NAA80: variants seen among roughly 807,000 people sequenced by gnomAD.
NAA80 encodes the protein N-alpha-acetyltransferase 80, NatH catalytic subunit.
NAA80 carries 5 observed loss-of-function variants against 8.7 expected under a neutral mutation model. The observed-to-expected ratio is 0.58, with a 90% CI of 0.30 to 1.21. The LOEUF is 1.21. Among genes scored for constraint, NAA80 ranks in the 50% most tolerant of loss-of-function variants. NAA80 has a pLI of 0.07. For missense variants in NAA80, 360 were observed against 368.6 expected, an observed-to-expected ratio of 0.98 and a Z score of 0.19; for synonymous variants, 149 against 156.6, an observed-to-expected ratio of 0.95 and a Z score of 0.36.
Position 50,297,377 on chromosome 3 carries a change from T to A in NAA80, c.87A>T (p.Gln29His). ...QPKLPLDSTC[Q>H]PEMTFNPGPT... ...GACCAGGATTGAAGGTCATCTCTGG[T>A]TGGCATGTGGAATCCAGGGGCAGCT... is the stretch of plus-strand genomic sequence containing the variant. The change falls in exon 2 of 2, where the codon CAA (glutamine) becomes CAT (histidine). Residue 29 changes from glutamine to histidine, a missense_variant. Transcript: ENST00000443094. This position sits in a 1 kb window ranked among gnomAD's most constrained non-coding sequence, Gnocchi z 4.3. 1 of 1,613,338 alleles carries A rather than the reference T, an allele frequency of 6.2e-7. No homozygotes were observed. Among genetic ancestry groups the A allele is most frequent in the Non-Finnish European group, 8.5e-7 (1 of 1,179,668 alleles).
At chr3:50,298,766 A>G in intron 1 of NAA80, 1 of 1,056,990 alleles carries the variant, frequency 9.5e-7, no homozygotes, top group Non-Finnish European at 1.1e-6. Context: ...GGTCAGTAAC[A>G]GGCACCCCCC....
chr3:50,296,960 GC>G lies in NAA80; in HGVS notation c.503del (p.Gly168AlafsTer60). On this transcript the variant is annotated frameshift_variant, in exon 2 of 2. Transcript: ENST00000443094. LOFTEE classifies it low-confidence loss of function (END_TRUNC). ...GGGTGGTGAGATGCAGCTTGCGGAA[GC>G]CCCGGGCCCGAGCAAAGACCTCCAG... ...EGLEVFARAR[G>X]FRKLHLTTHD... The G allele has an allele frequency of 6.3e-7, 1 of 1,597,914 alleles. No individual in the cohort carries two copies. The highest frequency in any genetic ancestry group is 8.5e-7 in the Non-Finnish European group (1 of 1,174,216).
Position 50,296,556 on chromosome 3 carries a change from G to A in NAA80, c.*47C>T, listed in dbSNP as rs782360508. The A allele has an allele frequency of 2.6e-5, 41 of 1,583,890 alleles. No homozygotes were observed. The highest frequency in any genetic ancestry group is 1.0e-4 in the South Asian group (9 of 89,202). The stretch of plus-strand genomic sequence containing the variant: ...AGTGGGCTGAGGCTTGTAGACTGTC[G>A]GGGCAGTCTATTGAACCAGAAAGAC... On this transcript the variant is annotated 3_prime_UTR_variant, in exon 2 of 2. Coordinates refer to ENST00000443094, the MANE Select transcript of NAA80 (RefSeq NM_001200016.2).
chr3:50,297,073 T>C lies in NAA80; in HGVS notation c.391A>G (p.Asn131Asp). 6.5e-7 allele frequency: 1 copy of C among 1,538,110 alleles called. No individual in the cohort carries two copies. The highest frequency in any genetic ancestry group is 1.4e-5 in the African/African-American group (1 of 72,580). Residue 131 changes from asparagine (N) to aspartate (D), a missense_variant, in exon 2 of 2, where the codon AAC (asparagine) becomes GAC (aspartate). Transcript: ENST00000443094. This position sits in a 1 kb window ranked among gnomAD's most constrained non-coding sequence, Gnocchi z 4.3. ...VGHARLSRVL[N>D]QPQSLLVETV... is the part of the protein sequence containing the mutation. ...TCCACTAAGAGGCTCTGGGGCTGGTTCAGCACCCGTGACAGGCGGGCATGG... is the reference window on the plus strand; with the variant it reads ...TCCACTAAGAGGCTCTGGGGCTGGTCCAGCACCCGTGACAGGCGGGCATGG...
chr3:50,298,248 G>A (rs1553711729), intron 1 of NAA80, among the ~76,000 whole-genome samples: 1 of 152,094 alleles, frequency 6.6e-6, no homozygotes, highest in African/African-American at 2.4e-5. Context: ...CCTGGGCTAT[G>A]CCCACTGCCT....
chr3:50,299,204 G>A lies in NAA80; in HGVS notation c.-210+9C>T, dbSNP rs782173298. The A allele has an allele frequency of 1.7e-5, 27 of 1,614,052 alleles. No individual in the cohort carries two copies. Among genetic ancestry groups the A allele is most frequent in the South Asian group, 3.3e-5 (3 of 91,090 alleles). On this transcript the variant is annotated intron_variant, in intron 1 of 1. Transcript: ENST00000443094. ...TACAGGCAGCAAATGGGAAGGGTGCGGTACTGACATGTTGATGCTGGCCTC... is the reference window on the plus strand; with the variant it reads ...TACAGGCAGCAAATGGGAAGGGTGCAGTACTGACATGTTGATGCTGGCCTC...
In NAA80 at chr3:50,297,265, G is replaced by A. The variant is rs782774866; in HGVS notation, c.199C>T (p.Arg67Cys). Residue 67 changes from arginine (R) to cysteine (C), a missense_variant, in exon 2 of 2, where the codon CGC (arginine) becomes TGC (cysteine). Coordinates refer to ENST00000443094, the MANE Select transcript of NAA80 (RefSeq NM_001200016.2). The surrounding 1 kb of genome is among the most constrained non-coding windows in gnomAD (Gnocchi z 4.3). The stretch of plus-strand genomic sequence containing the variant: ...CAAGCATCCAGGAGCTCGGGTCGGC[G>A]GTGCACAGGCTCCAGGGTCAACTCA... ...LAELTLEPVH[R>C]RPELLDACAD... is the part of the protein sequence containing the mutation. The A allele has an allele frequency of 1.9e-5, 30 of 1,609,216 alleles. No homozygotes were observed. Among genetic ancestry groups the A allele is most frequent in the African/African-American group, 1.1e-4 (8 of 74,830 alleles).
rs781793341 is a variant in NAA80 at position 50,297,475 on chromosome 3, G to C, written c.-12C>G. 1 of 1,585,182 alleles carries C rather than the reference G, an allele frequency of 6.3e-7. No individual in the cohort carries two copies. The highest frequency in any genetic ancestry group is 2.2e-5 in the East Asian group (1 of 44,520). On this transcript the variant is annotated 5_prime_UTR_variant, in exon 2 of 2. Transcript: ENST00000443094. This position sits in a 1 kb window ranked among gnomAD's most constrained non-coding sequence, Gnocchi z 4.3. The stretch of plus-strand genomic sequence containing the variant: ...AGGATCAGCTCCATCCGGTGTGTAG[G>C]GTCTAGTGTAGGGGTCAGCTTGGCT...
Position 50,296,805 on chromosome 3 carries a change from G to A in NAA80, c.659C>T (p.Pro220Leu), listed in dbSNP as rs1553711256. The A allele has an allele frequency of 6.3e-7, 1 of 1,581,082 alleles. No individual in the cohort carries two copies. Among genetic ancestry groups the A allele is most frequent in the East Asian group, 2.2e-5 (1 of 44,594 alleles). The change falls in exon 2 of 2, where the codon CCA becomes CTA. Residue 220 changes from proline (P) to leucine (L), a missense_variant. Transcript: ENST00000443094. ...AGTCAGGTTTGGGGCCTTCCTGGGT[G>A]GCCGGGGAGAGGGGGCTGTGGGGAA... ...NAFPTAPSPRPPRKAPNLTAQ... is the reference protein window; with the variant it reads ...NAFPTAPSPRLPRKAPNLTAQ...
intron 1 of NAA80, chr3:50,298,988 G>A: frequency 2.7e-6 from 4 of 1,456,750 alleles, no homozygotes; most frequent in Non-Finnish European, 2.7e-6. Context: ...TGGCTTCTCC[G>A]TCTCTCCCGG....
At position 50,299,348 on chromosome 3, in the gene NAA80, G is replaced by T; in HGVS notation, c.-345C>A. The stretch of plus-strand genomic sequence containing the variant: ...GCGGCGGATGTTCTGCAGCCGTCGC[G>T]TCCTGCGGCACGCCACGGCGTTCTA... On this transcript the variant is annotated 5_prime_UTR_variant, in exon 1 of 2. Coordinates refer to ENST00000443094, the MANE Select transcript of NAA80 (RefSeq NM_001200016.2). The T allele has an allele frequency of 6.4e-7, 1 of 1,565,912 alleles. No individual in the cohort carries two copies.
In NAA80 at chr3:50,296,631, G is replaced by C. The variant is rs782633160; in HGVS notation, c.833C>G (p.Pro278Arg). The stretch of plus-strand genomic sequence containing the variant: ...GATGTCTTTTTCCATCCAGAATATG[G>C]GGCGCCCCCTCACATTTTGATATTG... ...ETQYQNVRGR[P>R]IFWMEKDI Residue 278 changes from proline to arginine, a missense_variant, in exon 2 of 2, where the codon CCC (proline) becomes CGC (arginine). Coordinates refer to ENST00000443094, the MANE Select transcript of NAA80 (RefSeq NM_001200016.2). 5 of 1,614,054 alleles carry C rather than the reference G, an allele frequency of 3.1e-6. No individual in the cohort carries two copies. In the South Asian group the frequency reaches 4.4e-5, roughly 14 times the overall value.
chr3:50,297,644 C>T lies in NAA80; in HGVS notation c.-181G>A. 3 of 1,442,932 alleles carry T rather than the reference C, an allele frequency of 2.1e-6. No homozygotes were observed. In the South Asian group the frequency reaches 4.4e-5, roughly 21 times the overall value. 89.4% of individuals were successfully genotyped at this position (1,442,932 alleles called of 1,614,324 possible). A position where few individuals can be genotyped will look rare whatever the true frequency, so the allele number is the denominator to read the frequency against. On this transcript the variant is annotated 5_prime_UTR_variant, in exon 2 of 2. It removes an upstream start codon present in the reference 5' UTR. Transcript: ENST00000443094. The surrounding 1 kb of genome is among the most constrained non-coding windows in gnomAD (Gnocchi z 4.3). ...TAAGACCCCAGTCTCCAGGCAGTAG[C>T]ATCTCTTCAGACCACAGTGGCTCTC...
Position 50,298,794 on chromosome 3 carries a change from C to T in NAA80, c.-210+419G>A, listed in dbSNP as rs587643153. 3.5e-5 allele frequency: 39 copies of T among 1,104,426 alleles called. No individual in the cohort carries two copies. In the East Asian group the frequency reaches 1.5e-3, roughly 42 times the overall value. 68.4% of individuals were successfully genotyped at this position (1,104,426 alleles called of 1,614,324 possible). ...CACCCCCCTCCCCTCACCTCCCACA[C>T]CATTCACAGGGCTGTAAGCCCCTCA... On this transcript the variant is annotated intron_variant, in intron 1 of 1. Transcript: ENST00000443094.
At position 50,296,523 on chromosome 3, in the gene NAA80, G is replaced by T; in HGVS notation, c.*80C>A. On this transcript the variant is annotated 3_prime_UTR_variant, in exon 2 of 2. Coordinates refer to ENST00000443094, the MANE Select transcript of NAA80 (RefSeq NM_001200016.2). ...TGCCCCCCAGGGGCTAGGGGCTGAG[G>T]TATGGTCAGTGGGCTGAGGCTTGTA... 1 of 1,509,226 alleles carries T rather than the reference G, an allele frequency of 6.6e-7. No individual in the cohort carries two copies. Among genetic ancestry groups the T allele is most frequent in the Non-Finnish European group, 9.1e-7 (1 of 1,101,478 alleles). 93.5% of individuals were successfully genotyped at this position (1,509,226 alleles called of 1,614,324 possible). A position where few individuals can be genotyped will look rare whatever the true frequency, so the allele number is the denominator to read the frequency against.
At chr3:50,298,125 C>A (rs944738800) in intron 1 of NAA80, 5 of 981,972 alleles carry the variant, frequency 5.1e-6, no homozygotes, top group Admixed American at 6.2e-5. Context: ...CACTATACCC[C>A]CTGCTCAAAC....
intron 1 of NAA80, chr3:50,298,973 G>T: frequency 6.9e-7 from 1 of 1,449,440 alleles, no homozygotes; most frequent in Non-Finnish European, 9.1e-7. Flanking sequence ...GGGGTCCTCA[G>T]AGAGTGGCTT....
chr3:50,296,909 G>A lies in NAA80; in HGVS notation c.555C>T (p.His185=). The part of the protein sequence containing the change: ...TTHDQVHFYT[H]LGYQLGEPVQ... ...CAGGCTCACCCAGCTGGTAGCCCAG[G>A]TGGGTATAGAAGTGCACCTGGTCAT... is the stretch of plus-strand genomic sequence containing the variant. The change falls in exon 2 of 2, where the codon CAC becomes CAT. Residue 185 remains histidine (H), a synonymous_variant. Transcript: ENST00000443094. The A allele has an allele frequency of 6.2e-7, 1 of 1,609,192 alleles. No individual in the cohort carries two copies. Among genetic ancestry groups the A allele is most frequent in the South Asian group, 1.1e-5 (1 of 90,664 alleles).
chr3:50,297,794 G>A lies in NAA80; in HGVS notation c.-209-122C>T, dbSNP rs1559811958. The A allele has an allele frequency of 1.6e-6, 2 of 1,212,314 alleles. No homozygotes were observed. The highest frequency in any genetic ancestry group is 2.1e-6 in the Non-Finnish European group (2 of 973,372). 75.1% of individuals were successfully genotyped at this position (1,212,314 alleles called of 1,614,324 possible). A position where few individuals can be genotyped will look rare whatever the true frequency, so the allele number is the denominator to read the frequency against. On this transcript the variant is annotated intron_variant, in intron 1 of 1. Coordinates refer to ENST00000443094, the MANE Select transcript of NAA80 (RefSeq NM_001200016.2). The surrounding 1 kb of genome is among the most constrained non-coding windows in gnomAD (Gnocchi z 4.3). ...ACTGGGGAGTGGTGGGCTGCACTTT[G>A]TCCCACACTCACCTGATAGCACAGG...
Sources: gnomAD v4.1 joint callset for allele counts (sites outside exome capture counted in the v4.1 genomes callset) on GRCh38, gnomAD v4.1.1 for gene constraint, Gnocchi (gnomAD v3.1) non-coding constraint, MANE v1.5 for transcripts, NCBI Gene and HGNC (gene_info 2026-07-23, HGNC 2026-07-21) for gene names.